HERC3: variants seen among roughly 807,000 people sequenced by gnomAD.
HERC3 encodes the protein HECT and RLD domain containing E3 ubiquitin protein ligase 3.
HERC3 carries 58 observed loss-of-function variants against 129.9 expected under a neutral mutation model. The ratio of observed to expected loss-of-function variants is 0.45; its 90% confidence interval spans 0.36 to 0.56. HERC3 has a LOEUF of 0.56. HERC3 is among the 20% of genes least tolerant of loss of function. The pLI is 0.00. For synonymous variants in HERC3, 430 were observed against 451.0 expected, an observed-to-expected ratio of 0.95 and a Z score of 0.59; for missense variants, 835 against 1,244.2, an observed-to-expected ratio of 0.67 and a Z score of 4.95.
At chr4:88,678,710 A>G (rs895126416) in intron 19 of HERC3, among the ~76,000 whole-genome samples, 2 of 152,214 alleles carry the variant, frequency 1.3e-5, no homozygotes, top group Non-Finnish European at 1.5e-5. Context: ...AAAGTCATTC[A>G]TCTTTTCCCT....
chr4:88,565,752 T>A, the HERC3 span, among the ~76,000 whole-genome samples: 1 of 152,118 alleles, frequency 6.6e-6, no homozygotes, highest in Admixed American at 6.5e-5. Flanking sequence ...GACTTACTCC[T>A]GCCATTTTGT....
the HERC3 span, among the ~76,000 whole-genome samples, chr4:88,559,164 A>G: frequency 6.6e-6 from 1 of 152,184 alleles, no homozygotes; most frequent in Non-Finnish European, 1.5e-5. Context: ...CTTGGTGATG[A>G]CCTTGAGCAG....
the HERC3 span, chr4:88,527,193 G>A: frequency 2.0e-5 from 3 of 152,004 alleles, no homozygotes. Flanking sequence ...ATGGAAGTAT[G>A]TCCTGTCTTT....
In HERC3 at chr4:88,656,320, C is replaced by T. The variant is rs1477722712; in HGVS notation, c.1069+285C>T. 5 of 375,830 alleles carry T rather than the reference C, an allele frequency of 1.3e-5. 1 individual carries two copies. Among genetic ancestry groups the T allele is most frequent in the South Asian group, 1.1e-4 (3 of 27,440 alleles). 23.3% of individuals were successfully genotyped at this position (375,830 alleles called of 1,614,324 possible). ...ATGAAGAAAAGAGTTTTAATTGGCT[C>T]ACAGTTCTGCAGGCTCTACAGGGAG... is the stretch of plus-strand genomic sequence containing the variant. On this transcript the variant is annotated intron_variant, in intron 9 of 25. Coordinates refer to ENST00000402738, the MANE Select transcript of HERC3 (RefSeq NM_014606.3).
the HERC3 span, among the ~76,000 whole-genome samples, chr4:88,585,534 T>TG: frequency 1.0e-2 from 1,385 of 139,026 alleles, 8 homozygotes; most frequent in Non-Finnish European, 0.015. Context: ...TTTTTTTTTT[T>TG]GCTATGGAAC....
At chr4:88,697,907 C>T (rs947451819) in intron 23 of HERC3, 1 of 996,944 alleles carries the variant, frequency 1.0e-6, no homozygotes, top group Non-Finnish European at 1.5e-6. Flanking sequence ...TTTCGCGGCA[C>T]TTGACTGGCT....
At chr4:88,535,550 AT>A in the HERC3 span, among the ~76,000 whole-genome samples, 4 of 152,196 alleles carry the variant, frequency 2.6e-5, no homozygotes, top group Non-Finnish European at 5.9e-5. Flanking sequence ...TTAGTAAATG[AT>A]ACCACCATCT....
chr4:88,597,358 A>G (rs1423368051), intron 2 of HERC3, among the ~76,000 whole-genome samples: 8 of 152,214 alleles, frequency 5.3e-5, no homozygotes, highest in Non-Finnish European at 1.0e-4. Context: ...GAAAGTTCCA[A>G]GTTTCCAGAT....
At chr4:88,598,076 T>C (rs1578136406) in intron 2 of HERC3, 2 of 152,332 alleles carry the variant, frequency 1.3e-5, no homozygotes, top group South Asian at 4.1e-4. Context: ...TCTTCATATA[T>C]ACAACATTCA....
chr4:88,661,857 C>G (rs1344296186), intron 10 of HERC3, among the ~76,000 whole-genome samples: 1 of 151,998 alleles, frequency 6.6e-6, no homozygotes, highest in Admixed American at 6.6e-5. Flanking sequence ...TTTTGTAATA[C>G]ATTTTGTTGA....
chr4:88,549,791 G>A, the HERC3 span, among the ~76,000 whole-genome samples: 5 of 151,402 alleles, frequency 3.3e-5, no homozygotes, highest in Non-Finnish European at 7.4e-5. Context: ...TGCAACCTCC[G>A]CCTCCTAGGT....
chr4:88,614,104 A>G (rs965695598), intron 3 of HERC3, among the ~76,000 whole-genome samples: 1 of 152,228 alleles, frequency 6.6e-6, no homozygotes, highest in Non-Finnish European at 1.5e-5. Flanking sequence ...AGTAATTAAC[A>G]AAATGGTTTG....
intron 3 of HERC3, among the ~76,000 whole-genome samples, chr4:88,615,103 A>G (rs1336978214): frequency 6.6e-6 from 1 of 152,198 alleles, no homozygotes; most frequent in African/African-American, 2.4e-5. Flanking sequence ...GAGAAGGGGC[A>G]GCTTTGGAGA....
rs150255221 is a variant in HERC3 at position 88,613,675 on chromosome 4, G to A, written c.226+7626G>A. 9.8e-5 allele frequency among the ~76,000 whole-genome samples: 15 copies of A among 152,330 alleles called. No homozygotes were observed. The East Asian group carries it at 2.5e-3, about 25-fold the overall frequency. ...TAATGACTTCCTGTTATTGAAGTGC[G>A]TGTTTCTATGGGCATAACGCTGATA... On this transcript the variant is annotated intron_variant, in intron 3 of 25. Transcript: ENST00000402738.
At chr4:88,672,881 T>C (rs1441708018) in intron 16 of HERC3, among the ~76,000 whole-genome samples, 1 of 125,594 alleles carries the variant, frequency 8.0e-6, no homozygotes, top group Non-Finnish European at 1.6e-5. Context: ...TGCCTGCTAG[T>C]CACAGTGGAA....
intron 21 of HERC3, among the ~76,000 whole-genome samples, chr4:88,682,502 G>A (rs1732908854): frequency 7.8e-6 from 1 of 127,648 alleles, no homozygotes; most frequent in African/African-American, 3.1e-5. Flanking sequence ...GCCCCAGTGT[G>A]TGATGTTCCG....
upstream of HERC3, among the ~76,000 whole-genome samples, chr4:88,591,753 T>C (rs1721721904): frequency 6.6e-6 from 1 of 152,094 alleles, no homozygotes. Flanking sequence ...AGGACAAACT[T>C]TTAAAAAATC....
chr4:88,697,164 T>C (rs1734681531), intron 23 of HERC3: 2 of 1,461,834 alleles, frequency 1.4e-6, no homozygotes, highest in African/African-American at 1.4e-5. Context: ...AAAACCAGGC[T>C]TTTTTCTTCG....
chr4:88,641,369 C>T (rs1456415385), intron 3 of HERC3, among the ~76,000 whole-genome samples: 1 of 151,948 alleles, frequency 6.6e-6, no homozygotes, highest in Non-Finnish European at 1.5e-5. Flanking sequence ...AGTATTCAAT[C>T]AATAATTTAA....
Sources: gnomAD v4.1 joint callset for allele counts (sites outside exome capture counted in the v4.1 genomes callset) on GRCh38, gnomAD v4.1.1 for gene constraint, MANE v1.5 for transcripts, NCBI Gene and HGNC (gene_info 2026-07-23, HGNC 2026-07-21) for gene names.